PDSS1: variants seen among roughly 807,000 people sequenced by gnomAD.
The protein encoded by PDSS1 is all trans-polyprenyl-diphosphate synthase PDSS1.
Under a neutral mutation model 57.5 loss-of-function variants are expected in PDSS1, and 43 were observed. The observed-to-expected ratio is 0.75, with a 90% confidence interval of 0.59 to 0.96. PDSS1 has a LOEUF of 0.96. Among genes scored for constraint, PDSS1 ranks in the 50% least tolerant of loss-of-function variants. PDSS1 has a pLI of 0.00. For missense variants in PDSS1, 438 were observed against 527.8 expected, an observed-to-expected ratio of 0.83 and a Z score of 1.67; for synonymous variants, 175 against 191.3, an observed-to-expected ratio of 0.91 and a Z score of 0.70.
chr10:26,706,140 G>C (rs1472198998), intron 4 of PDSS1, among the ~76,000 whole-genome samples: 1 of 152,122 alleles, frequency 6.6e-6, no homozygotes, highest in African/African-American at 2.4e-5. Context: ...ACCGTGGCTC[G>C]TGCCTGTAAT....
chr10:26,723,742 T>C (rs1311935063), intron 6 of PDSS1, 64 bp from the exon 7 acceptor site: 2 of 1,120,294 alleles, frequency 1.8e-6, no homozygotes, highest in East Asian at 4.7e-5. Context: ...GTCAGTTTCA[T>C]CATTGGCTCT....
chr10:26,741,058 C>T (rs1381314688), intron 10 of PDSS1, among the ~76,000 whole-genome samples: 1 of 147,212 alleles, frequency 6.8e-6, no homozygotes, highest in Non-Finnish European at 1.5e-5. Flanking sequence ...CTCTTAATTC[C>T]ATGGTTCTCA....
intron 11 of PDSS1, among the ~76,000 whole-genome samples, chr10:26,745,007 T>C (rs936110312): frequency 1.3e-5 from 2 of 151,738 alleles, no homozygotes; most frequent in Non-Finnish European, 2.9e-5. Context: ...CTACTAAAAA[T>C]ACAAACATTA....
At chr10:26,698,000 TG>T (rs909721216) in intron 1 of PDSS1, among the ~76,000 whole-genome samples, 160 bp downstream of exon 1, 1 of 150,818 alleles carries the variant, frequency 6.6e-6, no homozygotes, top group Non-Finnish European at 1.5e-5. Context: ...AGCTGAGGGG[TG>T]CTCGCGGTGG....
rs141964368 is a variant in PDSS1, at chr10:26,709,700, G to C, written c.399G>C (p.Gly133=). The change falls in exon 5 of 12, where the codon GGG becomes GGC. Residue 133 remains glycine (G), a synonymous_variant. Transcript: ENST00000376215. The stretch of plus-strand genomic sequence containing the variant: ...CTGAGTACTACTTTGATGGGAAAGG[G>C]AAAGCCTTTCGACCAATTATTGTGG... ...EMSEYYFDGK[G]KAFRPIIVAL... is the part of the protein sequence containing the mutation. 6.2e-7 allele frequency: 1 copy of C among 1,612,936 alleles called. No individual in the cohort carries two copies. The highest frequency in any genetic ancestry group is 1.3e-5 in the African/African-American group (1 of 74,912).
intron 8 of PDSS1, 25 bp from the exon 9 acceptor site, chr10:26,735,215 T>C: frequency 6.4e-7 from 1 of 1,574,444 alleles, no homozygotes; most frequent in Non-Finnish European, 8.7e-7. Flanking sequence ...AAGCAGCTTA[T>C]CTCAGAATGC....
chr10:26,723,812 C>G lies in PDSS1; in HGVS notation c.616C>G (p.Leu206Val). The G allele has an allele frequency of 1.2e-6, 2 of 1,607,330 alleles. No homozygotes were observed. The highest frequency in any genetic ancestry group is 8.5e-7 in the Non-Finnish European group (1 of 1,173,832). The change falls in exon 7 of 12, where the codon CTT becomes GTT. Residue 206 changes from leucine (L) to valine (V), a missense_variant. By Grantham distance (32) the Leu-to-Val change is conservative. Around this residue, in one of 2 missense-constraint regions of PDSS1, gnomAD observed 284 missense variants for 390.7 expected, o/e 0.73. Coordinates refer to ENST00000376215, the MANE Select transcript of PDSS1 (RefSeq NM_014317.5). ...TCCCCCTGTCTTTTTCTAGGCTGTTCTTGCTGGAGATTTAATTCTTTCTGC... is the reference window on the plus strand; with the variant it reads ...TCCCCCTGTCTTTTTCTAGGCTGTTGTTGCTGGAGATTTAATTCTTTCTGC... ...NKIWGEKKAV[L>V]AGDLILSAAS...
intron 5 of PDSS1, 193 bp from the exon 6 acceptor site, chr10:26,720,025 G>A (rs1835733029): frequency 1.4e-6 from 1 of 695,794 alleles, no homozygotes. Flanking sequence ...TTCATAAAAT[G>A]TAGTTGTGGC....
chr10:26,733,323 C>T (rs1836279655), intron 8 of PDSS1, among the ~76,000 whole-genome samples: 1 of 152,140 alleles, frequency 6.6e-6, no homozygotes. Context: ...CTTAGCTTCT[C>T]TCGAAAGTTT....
At chr10:26,734,239 T>C (rs1451468965) in intron 8 of PDSS1, among the ~76,000 whole-genome samples, 3 of 152,214 alleles carry the variant, frequency 2.0e-5, no homozygotes, top group African/African-American at 7.2e-5. Context: ...ACTCCCTGAC[T>C]GGAGAGCCAC....
intron 4 of PDSS1, 56 bp from the exon 5 acceptor site, chr10:26,709,581 GT>G (rs1334100635): frequency 6.4e-7 from 1 of 1,562,394 alleles, no homozygotes; most frequent in African/African-American, 1.4e-5. Flanking sequence ...AAGAAATCCT[GT>G]TGGCTTTCTG....
chr10:26,704,178 C>G (rs113836884), intron 2 of PDSS1, among the ~76,000 whole-genome samples: 1 of 150,426 alleles, frequency 6.6e-6, no homozygotes, highest in Non-Finnish European at 1.5e-5. Context: ...AACAAAACAC[C>G]CCCACAATCC....
chr10:26,732,515 CTCCTGTGT>C (rs879536569), intron 8 of PDSS1, among the ~76,000 whole-genome samples: 9,575 of 152,218 alleles, frequency 0.063, 815 homozygotes, highest in African/African-American at 0.19. Flanking sequence ...AGAAGCAGCA[CTCCTGTGT>C]TGAAGTGATG....
chr10:26,715,772 T>C (rs1410223207), intron 5 of PDSS1: 2 of 152,174 alleles, frequency 1.3e-5, no homozygotes, highest in East Asian at 3.8e-4. Context: ...CTGGACCCTA[T>C]AGAGAAAGCT....
intron 5 of PDSS1, among the ~76,000 whole-genome samples, chr10:26,717,060 A>G (rs1835606880): frequency 6.6e-6 from 1 of 152,186 alleles, no homozygotes. Context: ...ATGTAAGCTG[A>G]CACACACTAA....
At chr10:26,739,366 C>T (rs1836509489) in intron 10 of PDSS1, among the ~76,000 whole-genome samples, 2 of 152,222 alleles carry the variant, frequency 1.3e-5, no homozygotes, top group Admixed American at 6.5e-5. Context: ...GTTCTTCCTG[C>T]TGTGTTTCTC....
At chr10:26,735,872 C>T (rs751304431) in intron 10 of PDSS1, among the ~76,000 whole-genome samples, 11 of 152,256 alleles carry the variant, frequency 7.2e-5, no homozygotes, top group Middle Eastern at 3.4e-3. Context: ...GTGCCATAGG[C>T]ATTTGAGGTA....
In PDSS1 at chr10:26,697,806, T is replaced by G; in HGVS notation, c.95T>G (p.Leu32Trp). 7.4e-7 allele frequency: 1 copy of G among 1,343,604 alleles called. No individual in the cohort carries two copies. Among genetic ancestry groups the G allele is most frequent in the Non-Finnish European group, 9.6e-7 (1 of 1,043,308 alleles). 83.2% of individuals were successfully genotyped at this position (1,343,604 alleles called of 1,614,324 possible). The change falls in exon 1 of 12, where the codon TTG becomes TGG. Residue 32 changes from leucine (L) to tryptophan (W), a missense_variant. Physicochemically the swap from Leu to Trp is moderately conservative, Grantham distance 61. Transcript: ENST00000376215. ...GPGSPGRAGP[L>W]GPSAAAEVRA... ...GGCTCCCCCGGCCGTGCGGGACCGTTGGGGCCGAGCGCCGCTGCCGAAGTC... is the reference window on the plus strand; with the variant it reads ...GGCTCCCCCGGCCGTGCGGGACCGTGGGGGCCGAGCGCCGCTGCCGAAGTC...
chr10:26,741,511 A>C lies in PDSS1; in HGVS notation c.1027-986A>C, dbSNP rs552607081. Among the ~76,000 whole-genome samples the C allele has an allele frequency of 7.2e-5, 11 of 152,212 alleles. No individual in the cohort carries two copies. In the South Asian group the frequency reaches 2.3e-3, roughly 32 times the overall value. On this transcript the variant is annotated intron_variant, in intron 10 of 11. Coordinates refer to ENST00000376215, the MANE Select transcript of PDSS1 (RefSeq NM_014317.5). ...AGGAGGGGGGGAAAAACAACAAAAA[A>C]ACAAAAAACACTCCCCAGCTGATCC...
Sources: allele counts gnomAD v4.1 joint callset (sites outside exome capture counted in the v4.1 genomes callset), GRCh38; gene constraint gnomAD v4.1.1; regional missense constraint gnomAD v4.1.1; transcripts MANE v1.5; gene names NCBI Gene and HGNC (gene_info 2026-07-23, HGNC 2026-07-21).